Variants in TICRR observed in about 807,000 individuals in gnomAD.
The protein encoded by TICRR is treslin.
A neutral mutation model predicts 178.1 loss-of-function variants in TICRR; 132 were observed. The observed-to-expected ratio is 0.74, with a 90% CI of 0.64 to 0.86. The LOEUF (loss-of-function observed/expected upper bound fraction) is 0.86. TICRR is among the 40% of genes least tolerant of loss of function. The pLI, the probability that TICRR is intolerant of heterozygous loss-of-function variation, is 0.00. For missense variants in TICRR, 2,587 were observed against 2,334.3 expected (o/e 1.11, Z -2.23); for synonymous variants, 991 against 900.7 (o/e 1.10, Z -1.79).
At chr15:89,615,223 T>C (rs1383480263) in intron 15 of TICRR, among the ~76,000 whole-genome samples, 1 of 152,158 alleles carries the variant, frequency 6.6e-6, no homozygotes, top group Non-Finnish European at 1.5e-5. Flanking sequence ...GTTTACACTG[T>C]ATGAGTTCTG....
At chr15:89,602,076 T>C in intron 12 of TICRR, 100 bp downstream of exon 12, 1 of 1,441,446 alleles carries the variant, frequency 6.9e-7, no homozygotes, top group Non-Finnish European at 9.3e-7. Context: ...ATATAATTTG[T>C]TGAACTAATA....
intron 2 of TICRR, 146 bp downstream of exon 2, chr15:89,583,111 C>CA (rs1037238735): frequency 2.3e-6 from 2 of 878,566 alleles, no homozygotes; most frequent in Non-Finnish European, 3.4e-6. Context: ...GACATCAAGG[C>CA]AAAATCAGAG....
chr15:89,608,086 A>G lies in TICRR; in HGVS notation c.2723-717A>G, dbSNP rs529070695. On this transcript the variant is annotated intron_variant, in intron 14 of 21. Coordinates refer to ENST00000268138, the MANE Select transcript of TICRR (RefSeq NM_152259.4). ...TAACATGGGATATATTAAAAGGACGATGACCTATGTTAGCCATCCTCTTAC... is the reference window on the plus strand; with the variant it reads ...TAACATGGGATATATTAAAAGGACGGTGACCTATGTTAGCCATCCTCTTAC... 3.3e-5 allele frequency among the ~76,000 whole-genome samples: 5 copies of G among 152,302 alleles called. No homozygotes were observed. In the South Asian group the frequency reaches 6.2e-4, roughly 19 times the overall value.
rs940882108 is a variant in TICRR at position 89,577,281 on chromosome 15, G to A, written c.654+1041G>A. On this transcript the variant is annotated intron_variant, in intron 1 of 21. Transcript: ENST00000268138. ...TTGCGTACATTCTTGCAAACTTAAA[G>A]TCTTAAATGGCTAATTTGGATTTTT... Among the ~76,000 whole-genome samples the A allele has an allele frequency of 3.3e-5, 5 of 151,944 alleles. No individual in the cohort carries two copies. In the South Asian group the frequency reaches 6.2e-4, roughly 19 times the overall value.
chr15:89,576,415 T>C (rs1238222216), intron 1 of TICRR, among the ~76,000 whole-genome samples, 175 bp downstream of exon 1: 1 of 152,114 alleles, frequency 6.6e-6, no homozygotes, highest in Non-Finnish European at 1.5e-5. Flanking sequence ...GGGTAGTTCC[T>C]CACTACCTAC....
At chr15:89,590,364 CCTTA>C (rs1221467117) in intron 4 of TICRR, among the ~76,000 whole-genome samples, 11 of 152,302 alleles carry the variant, frequency 7.2e-5, no homozygotes, top group African/African-American at 2.2e-4. Flanking sequence ...ACTGTCACTA[CCTTA>C]CTTACCAATT....
In TICRR at chr15:89,575,985, G is replaced by T; in HGVS notation, c.399G>T (p.Leu133=). The change falls in exon 1 of 22, where the codon CTG becomes CTT. Residue 133 remains leucine, a synonymous_variant. Transcript: ENST00000268138. ...TCCTGCGGAGCAGCGGGAGGAGACT[G>T]CTGGACGTGGAGAGCGAGGCCAAGG... The part of the protein sequence containing the change: ...KPILRSSGRR[L]LDVESEAKEA... The T allele has an allele frequency of 6.2e-7, 1 of 1,606,322 alleles. No homozygotes were observed. The highest frequency in any genetic ancestry group is 8.5e-7 in the Non-Finnish European group (1 of 1,177,558).
intron 6 of TICRR, 32 bp downstream of exon 6, chr15:89,594,586 A>G: frequency 6.7e-7 from 1 of 1,489,268 alleles, no homozygotes; most frequent in South Asian, 1.5e-5. Flanking sequence ...TTCTTAAGGC[A>G]TTCTTTTTTG....
intron 16 of TICRR, among the ~76,000 whole-genome samples, chr15:89,617,795 G>A (rs1396691481): frequency 6.6e-6 from 1 of 151,316 alleles, no homozygotes; most frequent in East Asian, 2.0e-4. Flanking sequence ...GGGTTCAAGC[G>A]ATTCTCTTGC....
At position 89,602,817 on chromosome 15, in the gene TICRR, T is replaced by G. The variant is rs775889317; in HGVS notation, c.2589T>G (p.His863Gln). ...AAAGGAAAAATGCATTAATAAGACA[T>G]AAAAGCATTGCTGAGGTTTCACAGA... ...KKRRKNALIR[H>Q]KSIAEVSQNL... Residue 863 changes from histidine to glutamine, a missense_variant, in exon 13 of 22, where the codon CAT becomes CAG. Coordinates refer to ENST00000268138, the MANE Select transcript of TICRR (RefSeq NM_152259.4). 6.6e-7 allele frequency: 1 copy of G among 1,512,592 alleles called. No individual in the cohort carries two copies. Among genetic ancestry groups the G allele is most frequent in the South Asian group, 1.4e-5 (1 of 72,686 alleles). 93.7% of individuals were successfully genotyped at this position (1,512,592 alleles called of 1,614,324 possible).
In TICRR at chr15:89,584,401, T is replaced by C. The variant is rs781760640; in HGVS notation, c.1050T>C (p.Ser350=). ...IFLKGSVAQW[S]LPTSSTLGTD... is the part of the protein sequence containing the mutation. ...TAAAAGGCTCAGTGGCCCAGTGGTCTCTCCCAACGAGCAGCACTTTGGGCA... is the reference window on the plus strand; with the variant it reads ...TAAAAGGCTCAGTGGCCCAGTGGTCCCTCCCAACGAGCAGCACTTTGGGCA... Residue 350 remains serine, a synonymous_variant, in exon 3 of 22, where the codon TCT becomes TCC. Coordinates refer to ENST00000268138, the MANE Select transcript of TICRR (RefSeq NM_152259.4). The C allele has an allele frequency of 1.9e-6, 3 of 1,614,070 alleles. No homozygotes were observed. The Admixed American group carries it at 5.0e-5, about 27-fold the overall frequency.
Position 89,624,443 on chromosome 15 carries a change from C to T in TICRR, c.4133C>T (p.Pro1378Leu). 1 of 1,614,202 alleles carries T rather than the reference C, an allele frequency of 6.2e-7. No homozygotes were observed. Among genetic ancestry groups the T allele is most frequent in the Non-Finnish European group, 8.5e-7 (1 of 1,180,028 alleles). Residue 1378 changes from proline to leucine, a missense_variant, in exon 20 of 22, where the codon CCT (proline) becomes CTT (leucine). Physicochemically the swap from Pro to Leu is moderately conservative, Grantham distance 98. Coordinates refer to ENST00000268138, the MANE Select transcript of TICRR (RefSeq NM_152259.4). ...TTGGACACCGTCCCTCCTCCACCCC[C>T]TTCTAAAGTTGGGAAACGGTGTAGA... ...ATLDTVPPPP[P>L]SKVGKRCRKT...
chr15:89,606,827 T>C lies in TICRR; in HGVS notation c.2722+2T>C. On this transcript the variant is annotated splice_donor_variant, in intron 14 of 21. Coordinates refer to ENST00000268138, the MANE Select transcript of TICRR (RefSeq NM_152259.4). LOFTEE classifies it high-confidence loss of function. ...AGCCAGTGAAAGATACAGTGCAAGGTATACTGTTTTCTCAGTGTATGTATT... is the reference window on the plus strand; with the variant it reads ...AGCCAGTGAAAGATACAGTGCAAGGCATACTGTTTTCTCAGTGTATGTATT... 6.2e-7 allele frequency: 1 copy of C among 1,613,178 alleles called. No homozygotes were observed. The highest frequency in any genetic ancestry group is 8.5e-7 in the Non-Finnish European group (1 of 1,179,228).
Position 89,599,433 on chromosome 15 carries a change from C to T in TICRR, c.2010C>T (p.Thr670=), listed in dbSNP as rs770513604. Residue 670 remains threonine, a synonymous_variant, in exon 8 of 22, where the codon ACC becomes ACT. Coordinates refer to ENST00000268138, the MANE Select transcript of TICRR (RefSeq NM_152259.4). ...CATGTGCTCGAAACATGATCTCAAC[C>T]GTTAAAATGTTCCTAAAATCAAAAG... is the stretch of plus-strand genomic sequence containing the variant. ...LYACARNMIS[T]VKMFLKSKGT... is the part of the protein sequence containing the mutation. 4.5e-5 allele frequency: 72 copies of T among 1,613,072 alleles called. No individual in the cohort carries two copies. The highest frequency in any genetic ancestry group is 5.5e-5 in the Non-Finnish European group (65 of 1,179,574).
At chr15:89,625,901 G>A (rs1470780773) in intron 20 of TICRR, 35 bp from the exon 21 acceptor site, 1 of 1,545,550 alleles carries the variant, frequency 6.5e-7, no homozygotes, top group African/African-American at 1.4e-5. Context: ...TTGGGGGTCT[G>A]GGGACGCTGC....
chr15:89,590,724 A>G (rs768796099), intron 4 of TICRR, among the ~76,000 whole-genome samples: 7 of 152,226 alleles, frequency 4.6e-5, no homozygotes, highest in Non-Finnish European at 5.9e-5. Context: ...TGACTTCACA[A>G]GAGTGGATCT....
chr15:89,613,406 T>C (rs965788034), intron 15 of TICRR, among the ~76,000 whole-genome samples: 1 of 152,254 alleles, frequency 6.6e-6, no homozygotes, highest in Non-Finnish European at 1.5e-5. Context: ...TTTGGATCTC[T>C]TTCACTTTAT....
intron 15 of TICRR, among the ~76,000 whole-genome samples, chr15:89,612,855 TACTG>T (rs1963275178): frequency 6.6e-6 from 1 of 152,264 alleles, no homozygotes; most frequent in Non-Finnish European, 1.5e-5. Flanking sequence ...TGTATAGTTC[TACTG>T]ACTATCCCTT....
intron 5 of TICRR, among the ~76,000 whole-genome samples, chr15:89,592,681 C>G (rs749632893): frequency 2.0e-5 from 3 of 152,096 alleles, no homozygotes; most frequent in Admixed American, 6.5e-5. Flanking sequence ...TCAAGAGAAA[C>G]AAAAGATGGT....
Sources: allele counts gnomAD v4.1 joint callset (sites outside exome capture counted in the v4.1 genomes callset), GRCh38; gene constraint gnomAD v4.1.1; transcripts MANE v1.5; gene names NCBI Gene and HGNC (gene_info 2026-07-23, HGNC 2026-07-21).